GATM: variants seen among roughly 807,000 people sequenced by gnomAD.
GATM encodes the protein glycine amidinotransferase.
In GATM, 23 loss-of-function variants were observed where a neutral mutation model predicts 54.2. The observed-to-expected ratio is 0.42, with a 90% CI of 0.31 to 0.60. The LOEUF is 0.60. GATM is among the 20% of genes least tolerant of loss of function. GATM has a pLI of 0.14. For synonymous variants in GATM, 168 were observed against 183.1 expected, an observed-to-expected ratio of 0.92 and a Z score of 0.67; for missense variants, 401 against 544.9, an observed-to-expected ratio of 0.74 and a Z score of 2.63.
At chr15:45,373,755 G>A (rs372053206) in intron 2 of GATM, among the ~76,000 whole-genome samples, 2 of 151,568 alleles carry the variant, frequency 1.3e-5, no homozygotes, top group African/African-American at 4.9e-5. Context: ...TCTCTACTAC[G>A]AGGCATGGCC....
chr15:45,371,186 C>T (rs139783619), intron 2 of GATM, among the ~76,000 whole-genome samples: 12 of 152,258 alleles, frequency 7.9e-5, no homozygotes, highest in African/African-American at 2.2e-4. Context: ...GAGAAATGTA[C>T]GTGATGCATC....
At chr15:45,380,378 T>C (rs1173200811), upstream of GATM, 4 of 152,174 alleles carry the variant, frequency 2.6e-5, no homozygotes, top group Non-Finnish European at 5.9e-5. Context: ...CTTAATTTGC[T>C]GTGTGACCTG....
rs1384096083 is a variant in GATM, at chr15:45,368,162, C to G, written c.583G>C (p.Ala195Pro). The G allele has an allele frequency of 6.2e-7, 1 of 1,614,056 alleles. No individual in the cohort carries two copies. Among genetic ancestry groups the G allele is most frequent in the Non-Finnish European group, 8.5e-7 (1 of 1,179,994 alleles). The change falls in exon 4 of 9, where the codon GCG (alanine) becomes CCG (proline). Residue 195 changes from alanine to proline, a missense_variant. Physicochemically the swap from Ala to Pro is conservative, Grantham distance 27. Coordinates refer to ENST00000396659, the MANE Select transcript of GATM (RefSeq NM_001482.3). The surrounding 1 kb of genome is among the most constrained non-coding windows in gnomAD (Gnocchi z 5.1). ...TAGTCTTTGATAATTGACCTGTACGCTCGGTACTCAAAGAAGCGTGAACGC... is the reference window on the plus strand; with the variant it reads ...TAGTCTTTGATAATTGACCTGTACGGTCGGTACTCAAAGAAGCGTGAACGC... Reference protein sequence around the residue: ...AWRSRFFEYRAYRSIIKDYFH... With the variant: ...AWRSRFFEYRPYRSIIKDYFH...
chr15:45,393,217 A>G (rs1363060648), intron 3 of GATM, among the ~76,000 whole-genome samples: 1 of 152,222 alleles, frequency 6.6e-6, no homozygotes, highest in African/African-American at 2.4e-5. Flanking sequence ...AGCCTTGTCT[A>G]AGGTCACATA....
chr15:45,369,180 A>T, intron 3 of GATM, 146 bp downstream of exon 3: 1 of 668,638 alleles, frequency 1.5e-6, no homozygotes, highest in Non-Finnish European at 2.6e-6. Flanking sequence ...ACATGGACCA[A>T]ACCATTCCTA....
At chr15:45,393,225 A>C (rs531521157) in intron 3 of GATM, among the ~76,000 whole-genome samples, 1 of 152,204 alleles carries the variant, frequency 6.6e-6, no homozygotes, top group Admixed American at 6.5e-5. Flanking sequence ...CTAAGGTCAC[A>C]TAACTATTAA....
chr15:45,377,045 G>T (rs1889650911), intron 1 of GATM: 1 of 570,618 alleles, frequency 1.8e-6, no homozygotes, highest in South Asian at 1.9e-5. Context: ...ATTAATTGCT[G>T]TAACTCTTTA....
intron 2 of GATM, among the ~76,000 whole-genome samples, chr15:45,374,877 G>A (rs1889603344): frequency 6.6e-6 from 1 of 152,184 alleles, no homozygotes; most frequent in Non-Finnish European, 1.5e-5. Flanking sequence ...AAATAAAAGT[G>A]TAAATATTCA....
chr15:45,386,498 C>G (rs1050849158), intron 3 of GATM, among the ~76,000 whole-genome samples: 5 of 152,204 alleles, frequency 3.3e-5, no homozygotes, highest in African/African-American at 4.8e-5. Flanking sequence ...AGATACTGCT[C>G]TGGGAGAAAA....
At chr15:45,365,276 G>A (rs1048663738) in intron 6 of GATM, among the ~76,000 whole-genome samples, 11 of 152,098 alleles carry the variant, frequency 7.2e-5, no homozygotes, top group African/African-American at 2.7e-4. Flanking sequence ...TAGGACCATG[G>A]TATAAAGACA....
chr15:45,391,250 CAA>C (rs146787362), intron 3 of GATM, among the ~76,000 whole-genome samples: 2,552 of 117,294 alleles, frequency 0.022, 72 homozygotes, highest in African/African-American at 0.064. Flanking sequence ...ACTAAAAATA[CAA>C]AAAAAAAAAA....
intron 1 of GATM, among the ~76,000 whole-genome samples, chr15:45,400,273 T>C (rs1046854869): frequency 2.6e-5 from 4 of 152,208 alleles, no homozygotes; most frequent in Non-Finnish European, 5.9e-5. Flanking sequence ...AAGGAGATTA[T>C]GTCATTGAAT....
chr15:45,377,232 CT>C, intron 1 of GATM: 1 of 489,476 alleles, frequency 2.0e-6, no homozygotes. Flanking sequence ...ACGGAACCTC[CT>C]TTTCCCTTAA....
chr15:45,367,671 T>C (rs929954372), intron 4 of GATM, among the ~76,000 whole-genome samples: 3 of 152,254 alleles, frequency 2.0e-5, no homozygotes, highest in Admixed American at 1.3e-4. Context: ...CAGGTTCTTT[T>C]TCTAGAAGAA....
At chr15:45,377,224 G>A (rs377398876) in intron 1 of GATM, 4 of 490,540 alleles carry the variant, frequency 8.2e-6, no homozygotes, top group African/African-American at 7.8e-5. Context: ...AGCTGGGGAC[G>A]GAACCTCCTT....
intron 2 of GATM, among the ~76,000 whole-genome samples, chr15:45,371,227 C>T (rs557314772): frequency 7.2e-5 from 11 of 152,242 alleles, no homozygotes; most frequent in Admixed American, 2.6e-4. Context: ...TGAAGCAGAA[C>T]GCCAATCAGA....
chr15:45,378,194 G>C (rs1889674096), intron 1 of GATM, 191 bp downstream of exon 1: 2 of 491,194 alleles, frequency 4.1e-6, no homozygotes, highest in Non-Finnish European at 3.6e-6. Context: ...ACGCCGCCCA[G>C]CTCCTGGAGC....
At chr15:45,378,301 G>T in intron 1 of GATM, 84 bp downstream of exon 1, 1 of 1,087,764 alleles carries the variant, frequency 9.2e-7, no homozygotes, top group Non-Finnish European at 1.3e-6. Context: ...GGCGGCTCCG[G>T]GCAGGGAGCG....
At chr15:45,379,804 A>G (rs1261263061), upstream of GATM, 1 of 152,064 alleles carries the variant, frequency 6.6e-6, no homozygotes, top group African/African-American at 2.4e-5. Flanking sequence ...CCTGGTCAAC[A>G]TGATGAAACC....
Sources: allele counts gnomAD v4.1 joint callset (sites outside exome capture counted in the v4.1 genomes callset), GRCh38; gene constraint gnomAD v4.1.1; non-coding constraint Gnocchi (gnomAD v3.1); transcripts MANE v1.5; gene names NCBI Gene and HGNC (gene_info 2026-07-23, HGNC 2026-07-21).